Variants in XIRP2 observed in about 807,000 individuals in gnomAD.
The protein encoded by XIRP2 is xin actin-binding repeat-containing protein 2.
In XIRP2, 236 loss-of-function variants were observed where a neutral mutation model predicts 277.0. That is an observed-to-expected ratio of 0.85 (90% CI 0.77 to 0.95). XIRP2 has a LOEUF of 0.95. XIRP2 is among the 40% of genes least tolerant of loss of function. The pLI, the probability that XIRP2 is intolerant of heterozygous loss-of-function variation, is 0.00. For missense variants in XIRP2, 4,640 were observed against 4,157.5 expected (o/e 1.12, Z -3.19); for synonymous variants, 1,490 against 1,416.5 (o/e 1.05, Z -1.17).
chr2:167,088,259 G>A (rs2105271906), intron 2 of XIRP2, among the ~76,000 whole-genome samples: 1 of 152,206 alleles, frequency 6.6e-6, no homozygotes, highest in South Asian at 2.1e-4. Flanking sequence ...AAGTTTGTCA[G>A]TAATTTTTCA....
chr2:167,004,999 A>AT (rs1208275980), intron 2 of XIRP2, among the ~76,000 whole-genome samples: 1 of 151,806 alleles, frequency 6.6e-6, no homozygotes, highest in Non-Finnish European at 1.5e-5. Context: ...CATTGATGGG[A>AT]TTTTTTTGTA....
intron 2 of XIRP2, among the ~76,000 whole-genome samples, chr2:167,077,246 C>A (rs1689595953): frequency 2.0e-5 from 3 of 152,052 alleles, no homozygotes; most frequent in African/African-American, 7.2e-5. Flanking sequence ...AATGGGTATT[C>A]AGGTGAGCTT....
In XIRP2 at chr2:167,185,631, A is replaced by C. The variant is rs868380284; in HGVS notation, c.563-25104A>C. Among the ~76,000 whole-genome samples the C allele has an allele frequency of 2.6e-5, 4 of 152,106 alleles. No individual in the cohort carries two copies. In the South Asian group the frequency reaches 6.2e-4, roughly 24 times the overall value. Reference sequence around the variant, plus strand: ...TAAAATCACCATAAGCATCATTAGCAACTATATGCAAATATAAGAATAAAA... The same window carrying C: ...TAAAATCACCATAAGCATCATTAGCCACTATATGCAAATATAAGAATAAAA... On this transcript the variant is annotated intron_variant, in intron 3 of 10. Transcript: ENST00000409195.
intron 2 of XIRP2, among the ~76,000 whole-genome samples, chr2:166,978,137 C>T (rs910079296): frequency 5.3e-5 from 8 of 151,614 alleles, no homozygotes; most frequent in Non-Finnish European, 1.2e-4. Flanking sequence ...AAATATTCTT[C>T]GTCTCATCAT....
chr2:166,976,067 C>G (rs1444006960), intron 2 of XIRP2, among the ~76,000 whole-genome samples: 1 of 148,770 alleles, frequency 6.7e-6, no homozygotes, highest in Non-Finnish European at 1.5e-5. Flanking sequence ...GATAGATAAT[C>G]TTTGATATTA....
chr2:166,974,736 C>G (rs1004800370), intron 2 of XIRP2, among the ~76,000 whole-genome samples: 2 of 151,734 alleles, frequency 1.3e-5, no homozygotes, highest in Admixed American at 1.3e-4. Flanking sequence ...AAGAGAAGAA[C>G]AGATAGAACA....
intron 3 of XIRP2, among the ~76,000 whole-genome samples, chr2:167,167,779 A>G (rs1294052021): frequency 1.3e-5 from 2 of 152,192 alleles, no homozygotes; most frequent in Non-Finnish European, 2.9e-5. Context: ...TAGATCAATT[A>G]AGAATAAGAA....
intron 2 of XIRP2, among the ~76,000 whole-genome samples, chr2:166,908,014 T>C (rs1558911283): frequency 3.7e-5 from 5 of 136,240 alleles, no homozygotes; most frequent in South Asian, 2.5e-4. Flanking sequence ...CAGTGTATCA[T>C]TGATGGACAT....
chr2:167,086,325 T>G (rs554547690), intron 2 of XIRP2, among the ~76,000 whole-genome samples: 1 of 152,240 alleles, frequency 6.6e-6, no homozygotes, highest in Non-Finnish European at 1.5e-5. Context: ...GTTAGTCTGA[T>G]GGGCTTCCCT....
intron 10 of XIRP2, among the ~76,000 whole-genome samples, chr2:167,254,869 G>A (rs1222894334): frequency 2.0e-5 from 3 of 150,292 alleles, no homozygotes; most frequent in Non-Finnish European, 1.5e-5. Context: ...AACTGAATGT[G>A]ACATTTGGTG....
intron 2 of XIRP2, among the ~76,000 whole-genome samples, chr2:167,130,726 T>G (rs1309703528): frequency 6.6e-6 from 1 of 152,004 alleles, no homozygotes; most frequent in East Asian, 1.9e-4. Flanking sequence ...TTAGATCTCT[T>G]GGTGGCGACC....
chr2:167,196,555 A>T (rs1404879734), intron 3 of XIRP2, among the ~76,000 whole-genome samples: 1 of 152,088 alleles, frequency 6.6e-6, no homozygotes, highest in African/African-American at 2.4e-5. Flanking sequence ...GCTGCAAAGC[A>T]TCAGCATTTT....
chr2:166,953,035 G>T (rs1347092789), intron 2 of XIRP2, among the ~76,000 whole-genome samples: 1 of 151,976 alleles, frequency 6.6e-6, no homozygotes, highest in African/African-American at 2.4e-5. Flanking sequence ...GATTTTAAAG[G>T]AACTAACTTT....
At chr2:167,237,641 G>A (rs1451966026) in intron 5 of XIRP2, among the ~76,000 whole-genome samples, 12 of 152,116 alleles carry the variant, frequency 7.9e-5, no homozygotes, top group Admixed American at 7.9e-4. Context: ...ATCACTGTGT[G>A]GGCCAAATAA....
chr2:166,978,644 C>T lies in XIRP2; in HGVS notation c.408+74754C>T, dbSNP rs111236199. Among the ~76,000 whole-genome samples, 916 of 152,060 alleles carry T rather than the reference C, an allele frequency of 6.0e-3. 17 individuals carry two copies. The highest frequency in any genetic ancestry group is 0.022 in the African/African-American group (892 of 41,488). On this transcript the variant is annotated intron_variant, in intron 2 of 10. Coordinates refer to ENST00000409195, the MANE Select transcript of XIRP2 (RefSeq NM_152381.6). The stretch of plus-strand genomic sequence containing the variant: ...TGGGATATTTTTGTGAAAGAAATTG[C>T]TTCATCATGTTTATTTTTCACTTAT...
chr2:167,128,185 G>A (rs1691264661), intron 2 of XIRP2, among the ~76,000 whole-genome samples: 1 of 152,128 alleles, frequency 6.6e-6, no homozygotes, highest in African/African-American at 2.4e-5. Flanking sequence ...CTAAATATTT[G>A]TAATGGATTC....
intron 1 of XIRP2, among the ~76,000 whole-genome samples, chr2:166,892,957 TATATAC>T (rs1200583041): frequency 2.1e-5 from 3 of 144,950 alleles, no homozygotes; most frequent in Non-Finnish European, 4.5e-5. Flanking sequence ...TATGTGTGTG[TATATAC>T]ATATATATAT....
chr2:167,013,442 C>T (rs1288493034), intron 2 of XIRP2, among the ~76,000 whole-genome samples: 1 of 151,410 alleles, frequency 6.6e-6, no homozygotes, highest in Non-Finnish European at 1.5e-5. Context: ...GATTCTGACT[C>T]ATTAGTTCTG....
chr2:167,204,650 C>T (rs554705556), intron 3 of XIRP2, among the ~76,000 whole-genome samples: 1 of 152,300 alleles, frequency 6.6e-6, no homozygotes, highest in East Asian at 1.9e-4. Context: ...GCACTTTATA[C>T]ATGTTTGCTA....
Sources: gnomAD v4.1 joint callset for allele counts (sites outside exome capture counted in the v4.1 genomes callset) on GRCh38, gnomAD v4.1.1 for gene constraint, MANE v1.5 for transcripts, NCBI Gene and HGNC (gene_info 2026-07-23, HGNC 2026-07-21) for gene names.